The following FAM110B variants were observed in gnomAD, a reference collection of about 807,000 sequenced individuals.
FAM110B encodes the protein family with sequence similarity 110 member B.
Under a neutral mutation model 20.4 loss-of-function variants are expected in FAM110B, and 6 were observed. The ratio of observed to expected loss-of-function variants is 0.29; its 90% CI spans 0.16 to 0.58. FAM110B has a LOEUF of 0.58. Ranked by LOEUF, FAM110B falls within the 20% of genes least tolerant of loss-of-function variation. The pLI is 0.90. For missense variants in FAM110B, 434 were observed against 498.2 expected, an observed-to-expected ratio of 0.87 and a Z score of 1.23; for synonymous variants, 226 against 214.1, an observed-to-expected ratio of 1.06 and a Z score of -0.49.
At chr8:58,081,292 T>C (rs529854431) in intron 3 of FAM110B, among the ~76,000 whole-genome samples, 57 of 152,312 alleles carry the variant, frequency 3.7e-4, no homozygotes, top group African/African-American at 1.2e-3. Flanking sequence ...CTCCAACCTC[T>C]GCATCCCAGT....
chr8:58,037,040 A>T (rs1012174590), intron 2 of FAM110B, among the ~76,000 whole-genome samples: 2 of 152,146 alleles, frequency 1.3e-5, no homozygotes, highest in Non-Finnish European at 2.9e-5. Flanking sequence ...AGAACATCGG[A>T]TGGTGTGTTT....
chr8:58,044,128 C>T (rs1201461567), intron 2 of FAM110B, among the ~76,000 whole-genome samples: 2 of 152,184 alleles, frequency 1.3e-5, no homozygotes, highest in African/African-American at 4.8e-5. Context: ...ATCTGTGCTA[C>T]TTGTGAATTA....
chr8:58,034,657 G>T lies in FAM110B; in HGVS notation c.-414+2954G>T, dbSNP rs371572843. Among the ~76,000 whole-genome samples the T allele has an allele frequency of 2.0e-5, 3 of 152,208 alleles. No homozygotes were observed. In the East Asian group the frequency reaches 5.8e-4, roughly 29 times the overall value. Reference sequence around the variant, plus strand: ...ATCATAGGATTGTTGTTAGGAATGTGAGTTGCTACATGAGCTGGCACATGA... The same window carrying T: ...ATCATAGGATTGTTGTTAGGAATGTTAGTTGCTACATGAGCTGGCACATGA... On this transcript the variant is annotated intron_variant, in intron 2 of 3. Transcript: ENST00000519262.
chr8:58,057,530 TCAAA>T (rs1489627972), intron 2 of FAM110B, among the ~76,000 whole-genome samples: 1 of 152,220 alleles, frequency 6.6e-6, no homozygotes, highest in Non-Finnish European at 1.5e-5. Flanking sequence ...CCAAAATCTC[TCAAA>T]CAGACTGTTT....
chr8:58,021,184 C>G (rs1036330697), intron 1 of FAM110B, among the ~76,000 whole-genome samples: 2 of 152,090 alleles, frequency 1.3e-5, no homozygotes, highest in African/African-American at 4.8e-5. Context: ...TTGGGTTTCA[C>G]CAGTTGGAAG....
chr8:58,076,732 C>T (rs1806045952), intron 3 of FAM110B, among the ~76,000 whole-genome samples: 2 of 152,128 alleles, frequency 1.3e-5, no homozygotes, highest in Non-Finnish European at 2.9e-5. Flanking sequence ...ACCTCATTTC[C>T]ACCATGAGTT....
chr8:58,073,737 G>A (rs1166735398), intron 2 of FAM110B, among the ~76,000 whole-genome samples: 1 of 152,190 alleles, frequency 6.6e-6, no homozygotes, highest in African/African-American at 2.4e-5. Flanking sequence ...CCTCTTGGCT[G>A]CATGTAGACT....
chr8:58,059,505 T>C (rs1173830773), intron 2 of FAM110B, among the ~76,000 whole-genome samples: 2 of 152,126 alleles, frequency 1.3e-5, no homozygotes, highest in Non-Finnish European at 2.9e-5. Context: ...CCCTTATAAC[T>C]ACTGATGCTG....
chr8:58,083,710 A>G (rs1230282194), intron 3 of FAM110B, among the ~76,000 whole-genome samples: 1 of 152,208 alleles, frequency 6.6e-6, no homozygotes, highest in African/African-American at 2.4e-5. Context: ...CGTGTTCTGT[A>G]TGTTAATTCT....
chr8:58,146,673 G>T lies in FAM110B; in HGVS notation c.443G>T (p.Arg148Leu). The stretch of plus-strand genomic sequence containing the variant: ...AGCTCCCGCAACTGGCCGCCCCACC[G>T]GTCGGAAGCCACTGACCTGCACCGT... ...KHSSRNWPPHRSEATDLHRHS... is the reference protein window; with the variant it reads ...KHSSRNWPPHLSEATDLHRHS... The change falls in exon 4 of 4, where the codon CGG becomes CTG. Residue 148 changes from arginine to leucine, a missense_variant. Transcript: ENST00000519262. 1.2e-6 allele frequency: 2 copies of T among 1,612,576 alleles called. No individual in the cohort carries two copies. Among genetic ancestry groups the T allele is most frequent in the Non-Finnish European group, 1.7e-6 (2 of 1,179,482 alleles).
intron 1 of FAM110B, among the ~76,000 whole-genome samples, chr8:58,008,641 G>A (rs1201925462): frequency 6.6e-6 from 1 of 152,122 alleles, no homozygotes; most frequent in Non-Finnish European, 1.5e-5. Context: ...ATAAATTATT[G>A]TTAACTATAG....
At chr8:58,133,945 G>A (rs930515331) in intron 3 of FAM110B, among the ~76,000 whole-genome samples, 22 of 152,198 alleles carry the variant, frequency 1.4e-4, no homozygotes, top group African/African-American at 5.3e-4. Context: ...TATTTCAAGT[G>A]CAAATTGTGA....
chr8:58,062,749 C>A (rs1805683019), intron 2 of FAM110B, among the ~76,000 whole-genome samples: 1 of 152,210 alleles, frequency 6.6e-6, no homozygotes, highest in Non-Finnish European at 1.5e-5. Flanking sequence ...ATGTTTCTAA[C>A]TTTATATCCA....
intron 3 of FAM110B, among the ~76,000 whole-genome samples, chr8:58,117,566 G>A (rs114851557): frequency 0.011 from 1,667 of 152,262 alleles, 32 homozygotes; most frequent in African/African-American, 0.037. Flanking sequence ...AAGGTAGAGC[G>A]AGGGTTTTCT....
intron 1 of FAM110B, among the ~76,000 whole-genome samples, chr8:58,006,921 A>ATTTTTTTTTTTTTT (rs142497701): frequency 8.4e-6 from 1 of 119,652 alleles, no homozygotes; most frequent in Non-Finnish European, 1.7e-5. Flanking sequence ...ATATATATAT[A>ATTTTTTTTTTTTTT]TATTTTTCCA....
chr8:58,098,542 G>T (rs1351281604), intron 3 of FAM110B, among the ~76,000 whole-genome samples: 2 of 152,186 alleles, frequency 1.3e-5, no homozygotes, highest in East Asian at 1.9e-4. Flanking sequence ...CCCGTTTCCA[G>T]GGGAGTGAAC....
chr8:58,105,556 ATTTTTTTTTTTTTTTT>A (rs71557704), intron 3 of FAM110B, among the ~76,000 whole-genome samples: 1 of 94,600 alleles, frequency 1.1e-5, no homozygotes, highest in Non-Finnish European at 2.0e-5. Context: ...GAATGAATGA[ATTTTTTTTTTTTTTTT>A]TTTTTTTTTT....
At chr8:58,096,660 G>A (rs556905937) in intron 3 of FAM110B, among the ~76,000 whole-genome samples, 5 of 152,302 alleles carry the variant, frequency 3.3e-5, no homozygotes, top group African/African-American at 9.6e-5. Flanking sequence ...AATTTGGTAT[G>A]TTTTTGCAGT....
At chr8:58,073,879 C>G (rs550354292) in intron 2 of FAM110B, among the ~76,000 whole-genome samples, 1 of 152,164 alleles carries the variant, frequency 6.6e-6, no homozygotes, top group South Asian at 2.1e-4. Flanking sequence ...TAAATTTTAA[C>G]TCTTGACAAA....
Sources: gnomAD v4.1 joint callset for allele counts (sites outside exome capture counted in the v4.1 genomes callset) on GRCh38, gnomAD v4.1.1 for gene constraint, MANE v1.5 for transcripts, NCBI Gene and HGNC (gene_info 2026-07-23, HGNC 2026-07-21) for gene names.